Variants in MYO1A observed in about 807,000 individuals in gnomAD.
The protein encoded by MYO1A is unconventional myosin-Ia.
In MYO1A, 127 loss-of-function variants were observed where a neutral mutation model predicts 138.5. The observed-to-expected ratio is 0.92, with a 90% CI of 0.79 to 1.06. The LOEUF is 1.06. MYO1A is among the 50% of genes least tolerant of loss of function. The pLI is 0.00. For missense variants in MYO1A, 1,211 were observed against 1,288.8 expected, an observed-to-expected ratio of 0.94 and a Z score of 0.92; for synonymous variants, 477 against 497.5, an observed-to-expected ratio of 0.96 and a Z score of 0.55.
In MYO1A at chr12:57,037,869, C is replaced by A. The variant is rs147147276; in HGVS notation, c.1961G>T (p.Arg654Leu). The A allele has an allele frequency of 6.2e-7, 1 of 1,613,824 alleles. No homozygotes were observed. Among genetic ancestry groups the A allele is most frequent in the Admixed American group, 1.7e-5 (1 of 60,004 alleles). Reference protein sequence around the residue: ...STWPHWNGGDREGVEKVLGEL... With the variant: ...STWPHWNGGDLEGVEKVLGEL... ...GCCCAGTCTCCCCATGGGGTCTTAC[C>A]GGTCTCCCCCATTCCAGTGAGGCCA... Residue 654 changes from arginine (R) to leucine (L), a missense_variant and splice_region_variant, in exon 18 of 28, where the codon CGG becomes CTG. Transcript: ENST00000300119.
chr12:57,037,162 A>G, intron 19 of MYO1A, 71 bp from the exon 20 acceptor site: 1 of 1,587,396 alleles, frequency 6.3e-7, no homozygotes, highest in Non-Finnish European at 8.6e-7. Context: ...CCTATACCCC[A>G]CAGTACTGAG....
rs752601848 is a variant in MYO1A, at chr12:57,037,068, C to T, written c.2079G>A (p.Arg693=). ...PKTLFYLEEQ[R]RLRLQQLATL... is the part of the protein sequence containing the mutation. ...TGGCCAGCTGCTGGAGTCTCAGGCG[C>T]CTCTGTTCTTCGAGGTAGAAAAGCT... Residue 693 remains arginine, a synonymous_variant, in exon 20 of 28, where the codon AGG becomes AGA. Coordinates refer to ENST00000300119, the MANE Select transcript of MYO1A (RefSeq NM_005379.4). 7 of 1,614,106 alleles carry T rather than the reference C, an allele frequency of 4.3e-6. No homozygotes were observed. The South Asian group carries it at 6.6e-5, about 15-fold the overall frequency.
chr12:57,030,971 A>G, intron 23 of MYO1A, 69 bp downstream of exon 23: 1 of 1,589,742 alleles, frequency 6.3e-7, no homozygotes, highest in Non-Finnish European at 8.6e-7. Flanking sequence ...AGAGGGAGGC[A>G]AAAGAGGAAA....
intron 1 of MYO1A, among the ~76,000 whole-genome samples, chr12:57,048,925 C>A (rs1222390888): frequency 1.3e-5 from 2 of 152,204 alleles, no homozygotes; most frequent in Non-Finnish European, 2.9e-5. Context: ...AAAATGGGAA[C>A]TTGACAAGGC....
In MYO1A at chr12:57,038,281, G is replaced by A. The variant is rs894724525; in HGVS notation, c.1760+131C>T. Reference sequence around the variant, plus strand: ...GGGACTCTCAGCTCCTTATCTGACTGTTTTCTGTGAGGAAAGGACCTCTGA... The same window carrying A: ...GGGACTCTCAGCTCCTTATCTGACTATTTTCTGTGAGGAAAGGACCTCTGA... On this transcript the variant is annotated intron_variant, in intron 17 of 27. Transcript: ENST00000300119. 5.9e-6 allele frequency: 7 copies of A among 1,181,424 alleles called. No individual in the cohort carries two copies. The East Asian group carries it at 1.3e-4, about 21-fold the overall frequency. The allele number at this position is 1,181,424 out of a possible 1,614,324, so 73.2% of individuals were successfully genotyped here.
rs2031191845 is a variant in MYO1A at position 57,048,035 on chromosome 12, T to C, written c.184A>G (p.Ile62Val). 6.2e-7 allele frequency: 1 copy of C among 1,614,168 alleles called. No homozygotes were observed. Among genetic ancestry groups the C allele is most frequent in the African/African-American group, 1.3e-5 (1 of 75,044 alleles). ...AAAGTATAGTCTTGATATTTGGCAA[T>C]GAACTCTGGCCCATAGATGGGAAGC... ...QQLPIYGPEF[I>V]AKYQDYTFYE... is the part of the protein sequence containing the mutation. Residue 62 changes from isoleucine (I) to valine (V), a missense_variant, in exon 3 of 28, where the codon ATT (isoleucine) becomes GTT (valine). Ile to Val is a conservative substitution (Grantham distance 29, BLOSUM62 3). Transcript: ENST00000300119.
At chr12:57,035,831 A>T (rs780757914) in intron 22 of MYO1A, among the ~76,000 whole-genome samples, 1 of 152,216 alleles carries the variant, frequency 6.6e-6, no homozygotes, top group Non-Finnish European at 1.5e-5. Flanking sequence ...GTCCTTCCTG[A>T]GATTTACTTT....
At chr12:57,040,250 T>C (rs904974644) in intron 14 of MYO1A, among the ~76,000 whole-genome samples, 1 of 152,234 alleles carries the variant, frequency 6.6e-6, no homozygotes, top group African/African-American at 2.4e-5. Context: ...TAAAAAAGCA[T>C]CCTTACATAC....
Position 57,038,993 on chromosome 12 carries a change from A to G in MYO1A, c.1349T>C (p.Leu450Pro), listed in dbSNP as rs571843222. ...CAGGCACTCCTCATCCAACATGGCC[A>G]GGATACCTCGCTGATTCTGGGCCGG... Reference protein sequence around the residue: ...KLIEHNQRGILAMLDEECLRP... With the variant: ...KLIEHNQRGIPAMLDEECLRP... The change falls in exon 16 of 28, where the codon CTG becomes CCG. Residue 450 changes from leucine (L) to proline (P), a missense_variant. By Grantham distance (98) the Leu-to-Pro change is moderately conservative. Transcript: ENST00000300119. 6.2e-7 allele frequency: 1 copy of G among 1,614,004 alleles called. No individual in the cohort carries two copies. Among genetic ancestry groups the G allele is most frequent in the Admixed American group, 1.7e-5 (1 of 59,982 alleles).
In MYO1A at chr12:57,037,645, T is replaced by A; in HGVS notation, c.1962-4A>T. On this transcript the variant is annotated splice_region_variant and splice_polypyrimidine_tract_variant and intron_variant, in intron 18 of 27. Coordinates refer to ENST00000300119, the MANE Select transcript of MYO1A (RefSeq NM_005379.4). Reference sequence around the variant, plus strand: ...CAGGACCTTCTCAACACCTTCCCTATGGAAGCAAATGACAGAAAGCTGCAG... The same window carrying A: ...CAGGACCTTCTCAACACCTTCCCTAAGGAAGCAAATGACAGAAAGCTGCAG... The A allele has an allele frequency of 6.2e-7, 1 of 1,613,678 alleles. No individual in the cohort carries two copies. The highest frequency in any genetic ancestry group is 1.1e-5 in the South Asian group (1 of 91,078).
intron 8 of MYO1A, among the ~76,000 whole-genome samples, chr12:57,045,606 G>T (rs1054183020): frequency 6.6e-6 from 1 of 152,206 alleles, no homozygotes; most frequent in African/African-American, 2.4e-5. Context: ...AGATCACAGA[G>T]ATCTCCAAGA....
chr12:57,043,652 A>G (rs2030962495), intron 10 of MYO1A, among the ~76,000 whole-genome samples: 1 of 152,182 alleles, frequency 6.6e-6, no homozygotes, highest in Non-Finnish European at 1.5e-5. Context: ...GAATTTCCAG[A>G]CCTAGATATA....
chr12:57,030,379 G>T, intron 23 of MYO1A, 63 bp from the exon 24 acceptor site: 2 of 1,341,652 alleles, frequency 1.5e-6, no homozygotes, highest in Non-Finnish European at 2.1e-6. Flanking sequence ...GGGGAGGGAG[G>T]TGAGAAATAT....
Position 57,036,644 on chromosome 12 carries a change from C to T in MYO1A, c.2274+128G>A, listed in dbSNP as rs115414474. ...TCTCACTCCCAGACACCCACCCACACATGGACCGGCTGATACACAGAGGTG... is the reference window on the plus strand; with the variant it reads ...TCTCACTCCCAGACACCCACCCACATATGGACCGGCTGATACACAGAGGTG... On this transcript the variant is annotated intron_variant, in intron 21 of 27. Transcript: ENST00000300119. The T allele has an allele frequency of 2.5e-6, 3 of 1,192,064 alleles. No homozygotes were observed. The African/African-American group carries it at 4.5e-5, about 18-fold the overall frequency. The allele number at this position is 1,192,064 out of a possible 1,614,324, so 73.8% of individuals were successfully genotyped here. A position where few individuals can be genotyped will look rare whatever the true frequency, so the allele number is the denominator to read the frequency against.
chr12:57,029,384 G>A (rs778114028), intron 26 of MYO1A, 51 bp downstream of exon 26: 13 of 1,613,576 alleles, frequency 8.1e-6, no homozygotes, highest in Non-Finnish European at 1.0e-5. Context: ...CCAGCCCTGG[G>A]ATGCATACCA....
intron 19 of MYO1A, 91 bp from the exon 20 acceptor site, chr12:57,037,182 C>T: frequency 6.7e-7 from 1 of 1,489,832 alleles, no homozygotes; most frequent in Non-Finnish European, 9.3e-7. Flanking sequence ...GGCTTCCCAG[C>T]CAGGCCTTAT....
intron 21 of MYO1A, 23 bp downstream of exon 21, chr12:57,036,749 A>T (rs762113866): frequency 1.2e-6 from 2 of 1,611,258 alleles, no homozygotes; most frequent in South Asian, 2.2e-5. Flanking sequence ...ATGTGAGGAA[A>T]CCTCTCTTCC....
At position 57,047,113 on chromosome 12, in the gene MYO1A, G is replaced by A. The variant is rs1699782456; in HGVS notation, c.431-6C>T. On this transcript the variant is annotated splice_polypyrimidine_tract_variant and splice_region_variant and intron_variant, in intron 5 of 27. Coordinates refer to ENST00000300119, the MANE Select transcript of MYO1A (RefSeq NM_005379.4). ...GGTCTTGGCATTGCCAAAAGCTACA[G>A]AGATGAGGAGGGGAGAAGTGAAACT... The A allele has an allele frequency of 1.2e-6, 2 of 1,614,118 alleles. No homozygotes were observed. The highest frequency in any genetic ancestry group is 1.7e-4 in the Middle Eastern group (1 of 6,054).
At position 57,029,647 on chromosome 12, in the gene MYO1A, G is replaced by C. The variant is rs747166970; in HGVS notation, c.2725-60C>G. 5.0e-6 allele frequency: 8 copies of C among 1,613,794 alleles called. No homozygotes were observed. In the African/African-American group the frequency reaches 8.0e-5, roughly 16 times the overall value. On this transcript the variant is annotated intron_variant, in intron 25 of 27. Coordinates refer to ENST00000300119, the MANE Select transcript of MYO1A (RefSeq NM_005379.4). The stretch of plus-strand genomic sequence containing the variant: ...GGATTAATTGCCCCCACTCCACCTG[G>C]CAGGGCGCAAACACAGCCTGCCATC...
Sources: gnomAD v4.1 joint callset for allele counts (sites outside exome capture counted in the v4.1 genomes callset) on GRCh38, gnomAD v4.1.1 for gene constraint, MANE v1.5 for transcripts, NCBI Gene and HGNC (gene_info 2026-07-23, HGNC 2026-07-21) for gene names.